The following CGN variants were observed in gnomAD, a reference collection of about 807,000 sequenced individuals.
The protein encoded by CGN is cingulin.
A neutral mutation model predicts 157.1 loss-of-function variants in CGN; 121 were observed. The observed-to-expected ratio is 0.77, with a 90% CI of 0.66 to 0.90. The LOEUF is 0.90. Among genes scored for constraint, CGN ranks in the 40% least tolerant of loss-of-function variants. The pLI, the probability that CGN is intolerant of heterozygous loss-of-function variation, is 0.00. For synonymous variants in CGN, 535 were observed against 607.5 expected, an observed-to-expected ratio of 0.88 and a Z score of 1.76; for missense variants, 1,424 against 1,520.9, an observed-to-expected ratio of 0.94 and a Z score of 1.06.
At position 151,532,423 on chromosome 1, in the gene CGN, T is replaced by G. The variant is rs1485205061; in HGVS notation, c.2593T>G (p.Ser865Ala). 6.3e-7 allele frequency: 1 copy of G among 1,582,758 alleles called. No homozygotes were observed. Among genetic ancestry groups the G allele is most frequent in the African/African-American group, 1.4e-5 (1 of 73,158 alleles). Residue 865 changes from serine to alanine, a missense_variant, in exon 14 of 21, where the codon TCT becomes GCT. Transcript: ENST00000271636. Reference protein sequence around the residue: ...NKELEKIGEDSKQALQQLQAQ... With the variant: ...NKELEKIGEDAKQALQQLQAQ... ...TCAGTTGGAGAAGATCGGGGAGGAC[T>G]CTAAGCAAGCCCTGCAGCAGCTCCA...
In CGN at chr1:151,524,918, G is replaced by C; in HGVS notation, c.1614+32G>C. The C allele has an allele frequency of 4.5e-6, 7 of 1,564,068 alleles. No homozygotes were observed. The highest frequency in any genetic ancestry group is 6.1e-6 in the Non-Finnish European group (7 of 1,142,712). On this transcript the variant is annotated intron_variant, in intron 8 of 20. Transcript: ENST00000271636. This position sits in a 1 kb window ranked among gnomAD's most constrained non-coding sequence, Gnocchi z 4.4. ...GACAAGAGCAGGGTCTGAGAGAGGA[G>C]GGCACTGCTGGAGAACAAGGCTGCC...
At position 151,537,332 on chromosome 1, in the gene CGN, A is replaced by G. The variant is rs1664991907; in HGVS notation, c.3598A>G (p.Thr1200Ala). The G allele has an allele frequency of 6.2e-7, 1 of 1,613,568 alleles. No homozygotes were observed. The highest frequency in any genetic ancestry group is 1.6e-4 in the Middle Eastern group (1 of 6,062). ...ACTGCTTACGGAGAGCAACCTACAG[A>G]CCAGCTCCTGTTAGCTCGTGGTCCT... Reference protein sequence around the residue: ...ASLLTESNLQTSSC With the variant: ...ASLLTESNLQASSC Residue 1200 changes from threonine to alanine, a missense_variant, in exon 21 of 21, where the codon ACC becomes GCC. By Grantham distance (58) the Thr-to-Ala change is moderately conservative. Transcript: ENST00000271636.
intron 15 of CGN, chr1:151,534,756 T>G (rs1571671179): frequency 2.7e-6 from 1 of 365,474 alleles, no homozygotes; most frequent in East Asian, 6.0e-5. Flanking sequence ...CTCTCTCTTT[T>G]CCCATTAGAG....
chr1:151,532,999 A>T (rs746732577), intron 14 of CGN, among the ~76,000 whole-genome samples: 1 of 152,100 alleles, frequency 6.6e-6, no homozygotes, highest in Non-Finnish European at 1.5e-5. Flanking sequence ...AGGGTGGAGG[A>T]ATATATTGTC....
intron 13 of CGN, among the ~76,000 whole-genome samples, chr1:151,531,168 GT>G (rs1664828730): frequency 6.6e-6 from 1 of 151,818 alleles, no homozygotes; most frequent in Non-Finnish European, 1.5e-5. Context: ...AATGTGTGAT[GT>G]TTGCTTTCCT....
At position 151,529,919 on chromosome 1, in the gene CGN, T is replaced by C. The variant is rs778782349; in HGVS notation, c.2117T>C (p.Val706Ala). 9 of 1,613,566 alleles carry C rather than the reference T, an allele frequency of 5.6e-6. No homozygotes were observed. In the South Asian group the frequency reaches 9.9e-5, roughly 18 times the overall value. Residue 706 changes from valine to alanine, a missense_variant, in exon 12 of 21, where the codon GTG (valine) becomes GCG (alanine). Around this residue, in one of 3 missense-constraint regions of CGN, gnomAD observed 1,187 missense variants for 1,217.6 expected, o/e 0.97. Transcript: ENST00000271636. ...CTGAACCGTCCTTAGGCTAAGATGG[T>C]GGCCGAGGCAGAGGCAACAGTGCTG... ...DCEEASKAKM[V>A]AEAEATVLGQ...
chr1:151,535,034 T>G lies in CGN; in HGVS notation c.2905-8T>G. On this transcript the variant is annotated splice_region_variant and splice_polypyrimidine_tract_variant and intron_variant, in intron 15 of 20. Coordinates refer to ENST00000271636, the MANE Select transcript of CGN (RefSeq NM_020770.3). ...TTTGGGACAGAATTACTTGTTCTTC[T>G]GTCCTAGGAAAAAGTCTCACGGCTG... 6.2e-7 allele frequency: 1 copy of G among 1,607,822 alleles called. No homozygotes were observed. Among genetic ancestry groups the G allele is most frequent in the Non-Finnish European group, 8.5e-7 (1 of 1,174,488 alleles).
At position 151,537,278 on chromosome 1, in the gene CGN, A is replaced by G. The variant is rs183972344; in HGVS notation, c.3544A>G (p.Ser1182Gly). 1.1e-5 allele frequency: 18 copies of G among 1,614,098 alleles called. No individual in the cohort carries two copies. The African/African-American group carries it at 1.7e-4, about 16-fold the overall frequency. ...EGLSSDEEFD[S>G]VYDPSSIASL... ...GCTGAGCTCAGATGAGGAATTCGAC[A>G]GTGTCTACGATCCCTCGTCCATTGC... The change falls in exon 21 of 21, where the codon AGT becomes GGT. Residue 1182 changes from serine to glycine, a missense_variant. Transcript: ENST00000271636.
In CGN at chr1:151,518,914, T is replaced by TACTC; in HGVS notation, c.396_399dup (p.Arg134ThrfsTer18). ...CCTGGGGCCTACTGGAATGGAAAGCTACTCCGTTCCCACTCCCAGGCCTCA... is the reference window on the plus strand; with the variant it reads ...CCTGGGGCCTACTGGAATGGAAAGCTACTCACTCCGTTCCCACTCCCAGGCCTCA... On this transcript the variant is annotated frameshift_variant, in exon 2 of 21. Transcript: ENST00000271636. LOFTEE classifies it high-confidence loss of function. The TACTC allele has an allele frequency of 6.2e-7, 1 of 1,614,132 alleles. No homozygotes were observed. The highest frequency in any genetic ancestry group is 8.5e-7 in the Non-Finnish European group (1 of 1,179,990).
Position 151,536,890 on chromosome 1 carries a change from C to G in CGN, c.3467C>G (p.Ser1156Cys). ...CGGATCAAGTCTCTGGAGAAGGACTCCTGGTATGGGCTACCCTTTTGCCCT... is the reference window on the plus strand; with the variant it reads ...CGGATCAAGTCTCTGGAGAAGGACTGCTGGTATGGGCTACCCTTTTGCCCT... Reference protein sequence around the residue: ...QARIKSLEKDSWRKASRSAAE... With the variant: ...QARIKSLEKDCWRKASRSAAE... The change falls in exon 20 of 21, where the codon TCC becomes TGC. Residue 1156 changes from serine to cysteine, a missense_variant. Around this residue, in one of 3 missense-constraint regions of CGN, gnomAD observed 199 missense variants for 272.2 expected, o/e 0.73. Transcript: ENST00000271636. 1 of 1,613,872 alleles carries G rather than the reference C, an allele frequency of 6.2e-7. No individual in the cohort carries two copies. Among genetic ancestry groups the G allele is most frequent in the South Asian group, 1.1e-5 (1 of 91,068 alleles).
rs1359330420 is a variant in CGN, at chr1:151,538,538, C to T, written c.*1192C>T. The T allele has an allele frequency of 1.3e-5, 2 of 152,066 alleles. No individual in the cohort carries two copies. Among genetic ancestry groups the T allele is most frequent in the African/African-American group, 2.4e-5 (1 of 41,402 alleles). 9.4% of individuals were successfully genotyped at this position (152,066 alleles called of 1,614,324 possible). A position where few individuals can be genotyped will look rare whatever the true frequency, so the allele number is the denominator to read the frequency against. On this transcript the variant is annotated 3_prime_UTR_variant, in exon 21 of 21. Transcript: ENST00000271636. Reference sequence around the variant, plus strand: ...TTCCTAAGCAGGTTGTATAGGGAGCCGGTGGCAGGAGGAAGGCTGTTTTCA... The same window carrying T: ...TTCCTAAGCAGGTTGTATAGGGAGCTGGTGGCAGGAGGAAGGCTGTTTTCA...
Position 151,536,271 on chromosome 1 carries a change from C to G in CGN, c.3232C>G (p.Leu1078Val), listed in dbSNP as rs1664966450. The G allele has an allele frequency of 6.2e-7, 1 of 1,612,048 alleles. No homozygotes were observed. The highest frequency in any genetic ancestry group is 8.5e-7 in the Non-Finnish European group (1 of 1,178,228). The part of the protein sequence containing the change: ...KTVLQSTNRK[L>V]ERKVKELSIQ... ...AGTTCTGCAGTCTACCAATCGAAAA[C>G]TGGAGCGGAAAGTTAAAGAACTATC... The change falls in exon 19 of 21, where the codon CTG becomes GTG. Residue 1078 changes from leucine to valine, a missense_variant. Physicochemically the swap from Leu to Val is conservative, Grantham distance 32. Around this residue, in one of 3 missense-constraint regions of CGN, gnomAD observed 199 missense variants for 272.2 expected, o/e 0.73. Transcript: ENST00000271636.
chr1:151,525,728 G>C lies in CGN; in HGVS notation c.1701G>C (p.Glu567Asp). Residue 567 changes from glutamate to aspartate, a missense_variant, in exon 9 of 21, where the codon GAG becomes GAC. Coordinates refer to ENST00000271636, the MANE Select transcript of CGN (RefSeq NM_020770.3). The stretch of plus-strand genomic sequence containing the variant: ...GGGAGCTGGAGGAGACTTCAGAGGA[G>C]ACAGGGCATTGGCAGAGTATGTTCC... ...LQRELEETSEETGHWQSMFQK... is the reference protein window; with the variant it reads ...LQRELEETSEDTGHWQSMFQK... The C allele has an allele frequency of 6.2e-7, 1 of 1,612,134 alleles. No homozygotes were observed. Among genetic ancestry groups the C allele is most frequent in the Non-Finnish European group, 8.5e-7 (1 of 1,179,010 alleles).
rs757459390 is a variant in CGN, at chr1:151,518,834, C to T, written c.315C>T (p.Tyr105=). 1.2e-6 allele frequency: 2 copies of T among 1,613,990 alleles called. No homozygotes were observed. The highest frequency in any genetic ancestry group is 1.1e-5 in the South Asian group (1 of 91,082). ...SSDLELPENP[Y]SQVKGFPAPS... is the part of the protein sequence containing the mutation. ...ATTTGGAACTCCCTGAGAACCCCTA[C>T]TCTCAGGTCAAGGGATTTCCTGCCC... Residue 105 remains tyrosine, a synonymous_variant, in exon 2 of 21, where the codon TAC becomes TAT. Transcript: ENST00000271636.
chr1:151,536,454 C>T, intron 19 of CGN, 109 bp downstream of exon 19: 1 of 683,522 alleles, frequency 1.5e-6, no homozygotes, highest in African/African-American at 1.8e-5. Flanking sequence ...CAAACTTAGA[C>T]TTTCCTTGTA....
intron 10 of CGN, chr1:151,527,948 ATATTTT>A: frequency 7.5e-5 from 9 of 119,374 alleles, no homozygotes; most frequent in Non-Finnish European, 1.3e-4. Context: ...ATATATATAT[ATATTTT>A]TTTTTTTTTT....
chr1:151,521,021 T>C (rs1056350033), intron 5 of CGN, among the ~76,000 whole-genome samples: 2 of 152,194 alleles, frequency 1.3e-5, no homozygotes, highest in African/African-American at 4.8e-5. Flanking sequence ...ATCATAATAA[T>C]GGCAATAGTA....
chr1:151,517,080 C>T (rs1399412841), intron 1 of CGN, among the ~76,000 whole-genome samples: 3 of 151,966 alleles, frequency 2.0e-5, no homozygotes, highest in Non-Finnish European at 4.4e-5. Context: ...ATTGCTTAAA[C>T]TCGGGAGGCA....
chr1:151,534,106 C>T lies in CGN; in HGVS notation c.2874C>T (p.Asp958=), dbSNP rs371262483. Residue 958 remains aspartate, a synonymous_variant, in exon 15 of 21, where the codon GAC becomes GAT. Coordinates refer to ENST00000271636, the MANE Select transcript of CGN (RefSeq NM_020770.3). ...CAGAGAACAAGAAGCGTTCCCAGGA[C>T]GACAGGGCCCGGCAGCTGAAGGGTC... ...QEAENKKRSQ[D]DRARQLKGLE... is the part of the protein sequence containing the mutation. 1.2e-5 allele frequency: 19 copies of T among 1,603,810 alleles called. No individual in the cohort carries two copies. In the Admixed American group the frequency reaches 1.2e-4, roughly 10 times the overall value.
Sources: gnomAD v4.1 joint callset for allele counts (sites outside exome capture counted in the v4.1 genomes callset) on GRCh38, gnomAD v4.1.1 for gene constraint, gnomAD v4.1.1 regional missense constraint, Gnocchi (gnomAD v3.1) non-coding constraint, MANE v1.5 for transcripts, NCBI Gene and HGNC (gene_info 2026-07-23, HGNC 2026-07-21) for gene names.